The following PADI1 variants were observed in gnomAD, a reference collection of about 807,000 sequenced individuals.
PADI1 encodes the protein peptidyl arginine deiminase 1, also known as protein-arginine deiminase type-1.
In PADI1, 65 loss-of-function variants were observed where a neutral mutation model predicts 74.8. The ratio of observed to expected loss-of-function variants is 0.87; its 90% CI spans 0.71 to 1.07. The LOEUF is 1.07. Ranked by LOEUF, PADI1 falls within the 50% of genes least tolerant of loss-of-function variation. PADI1 has a pLI of 0.00. For missense variants in PADI1, 943 were observed against 854.0 expected (o/e 1.10, Z -1.30); for synonymous variants, 371 against 336.2 (o/e 1.10, Z -1.13).
chr1:17,221,569 G>A (rs2072151988), intron 1 of PADI1, among the ~76,000 whole-genome samples: 1 of 152,226 alleles, frequency 6.6e-6, no homozygotes. Context: ...GTGATTGGGT[G>A]GGGGCAGGAG....
chr1:17,205,398 C>T (rs1041007393), intron 1 of PADI1, 89 bp downstream of exon 1: 10 of 974,012 alleles, frequency 1.0e-5, no homozygotes, highest in African/African-American at 8.0e-5. Flanking sequence ...AAGTCAGGCA[C>T]GTTGGAAAGG....
Position 17,244,954 on chromosome 1 carries a change from T to C in PADI1, c.*711T>C. On this transcript the variant is annotated 3_prime_UTR_variant, in exon 16 of 16. Transcript: ENST00000375471. ...ATTACCAGAGCTGGCTTCTCCCAGCTCAGAAATGCTGAGAAGCCAACGTGA... is the reference window on the plus strand; with the variant it reads ...ATTACCAGAGCTGGCTTCTCCCAGCCCAGAAATGCTGAGAAGCCAACGTGA... 5.8e-6 allele frequency: 1 copy of C among 173,702 alleles called. No individual in the cohort carries two copies. Among genetic ancestry groups the C allele is most frequent in the South Asian group, 1.4e-4 (1 of 7,122 alleles). 10.8% of individuals were successfully genotyped at this position (173,702 alleles called of 1,614,324 possible). A position where few individuals can be genotyped will look rare whatever the true frequency, so the allele number is the denominator to read the frequency against.
chr1:17,214,924 G>C (rs920878380), intron 1 of PADI1, among the ~76,000 whole-genome samples: 1 of 152,252 alleles, frequency 6.6e-6, no homozygotes, highest in African/African-American at 2.4e-5. Context: ...GGGTGCCAGA[G>C]AGAATAAGCA....
At chr1:17,225,753 AC>A in intron 4 of PADI1, 57 bp from the exon 5 acceptor site, 2 of 1,246,312 alleles carry the variant, frequency 1.6e-6, no homozygotes, top group Non-Finnish European at 2.4e-6. Context: ...CATGTCTAGA[AC>A]CCCTTCCTGG....
chr1:17,226,089 G>T lies in PADI1; in HGVS notation c.583G>T (p.Asp195Tyr), dbSNP rs200337349. The T allele has an allele frequency of 1.1e-5, 18 of 1,614,158 alleles. No individual in the cohort carries two copies. In the East Asian group the frequency reaches 3.6e-4, roughly 32 times the overall value. ...CTGCAATGGCCCCGACAAGCTCTTCGACAGCCACAAGCTTGTCTTGAACGT... is the reference window on the plus strand; with the variant it reads ...CTGCAATGGCCCCGACAAGCTCTTCTACAGCCACAAGCTTGTCTTGAACGT... The part of the protein sequence containing the change: ...LSCNGPDKLF[D>Y]SHKLVLNVPF... The change falls in exon 6 of 16, where the codon GAC becomes TAC. Residue 195 changes from aspartate (D) to tyrosine (Y), a missense_variant. By Grantham distance (160) the Asp-to-Tyr change is radical (BLOSUM62 -3). Coordinates refer to ENST00000375471, the MANE Select transcript of PADI1 (RefSeq NM_013358.3).
At chr1:17,230,816 T>C in intron 10 of PADI1, 137 bp downstream of exon 10, 1 of 605,648 alleles carries the variant, frequency 1.7e-6, no homozygotes, top group Non-Finnish European at 2.9e-6. Context: ...AGGTGGGATG[T>C]CAGCAAACTG....
intron 14 of PADI1, chr1:17,240,095 T>G: frequency 8.6e-6 from 3 of 347,868 alleles, no homozygotes; most frequent in Non-Finnish European, 1.1e-5. Flanking sequence ...AGAGACACGG[T>G]GGGGAAATAG....
At chr1:17,223,746 CTGTT>C in intron 3 of PADI1, 53 bp downstream of exon 3, 2 of 1,436,156 alleles carry the variant, frequency 1.4e-6, no homozygotes, top group Non-Finnish European at 2.0e-6. Context: ...TCCAGGTTGA[CTGTT>C]TGAGGGTCTT....
chr1:17,239,267 C>T (rs763033452), intron 13 of PADI1, among the ~76,000 whole-genome samples: 2 of 152,172 alleles, frequency 1.3e-5, no homozygotes, highest in Non-Finnish European at 2.9e-5. Flanking sequence ...CAAGGATAGC[C>T]CTGAGTTCAA....
chr1:17,208,568 C>T (rs1411539228), intron 1 of PADI1, among the ~76,000 whole-genome samples: 1 of 132,752 alleles, frequency 7.5e-6, no homozygotes, highest in Non-Finnish European at 1.6e-5. Context: ...ACCCCCGACT[C>T]CAGTGGGCTA....
intron 15 of PADI1, among the ~76,000 whole-genome samples, chr1:17,241,503 A>G (rs3003415): frequency 2.3e-5 from 1 of 42,964 alleles, no homozygotes; most frequent in African/African-American, 7.1e-5. Context: ...TGGAAGTGAA[A>G]GTCGGAATCG....
At position 17,224,429 on chromosome 1, in the gene PADI1, G is replaced by C. The variant is rs760482097; in HGVS notation, c.408+1G>C. ...GGTGAAGAGGAGCCAAGGGGACAAG[G>C]TGAGACCCTTCCGGGCACCCCAAGG... On this transcript the variant is annotated splice_donor_variant, in intron 4 of 15. Transcript: ENST00000375471. LOFTEE classifies it high-confidence loss of function. 2 of 1,613,006 alleles carry C rather than the reference G, an allele frequency of 1.2e-6. No individual in the cohort carries two copies. The highest frequency in any genetic ancestry group is 1.7e-6 in the Non-Finnish European group (2 of 1,179,240).
Position 17,232,818 on chromosome 1 carries a change from G to A in PADI1, c.1162-1G>A, listed in dbSNP as rs906221746. The A allele has an allele frequency of 1.2e-6, 2 of 1,610,124 alleles. No homozygotes were observed. Among genetic ancestry groups the A allele is most frequent in the African/African-American group, 2.7e-5 (2 of 74,872 alleles). ...TGGGGGTCTCGCTGGTTCTTCCATA[G>A]GGTCCTGACTTTGGATATGTTACCC... On this transcript the variant is annotated splice_acceptor_variant, in intron 10 of 15. Coordinates refer to ENST00000375471, the MANE Select transcript of PADI1 (RefSeq NM_013358.3). LOFTEE classifies it high-confidence loss of function.
At position 17,237,329 on chromosome 1, in the gene PADI1, G is replaced by A. The variant is rs1479754628; in HGVS notation, c.1329G>A (p.Gln443=). 6.2e-7 allele frequency: 1 copy of A among 1,609,296 alleles called. No homozygotes were observed. The highest frequency in any genetic ancestry group is 1.3e-5 in the African/African-American group (1 of 74,752). ...GSSFPKSGGR[Q]MARAVRNFLK... is the part of the protein sequence containing the mutation. ...TCCTGGCCAGGTCCGGTGGGCGGCA[G>A]ATGGCCAGGGCAGTGCGGAACTTCC... Residue 443 remains glutamine (Q), a synonymous_variant, in exon 12 of 16, where the codon CAG becomes CAA. Transcript: ENST00000375471.
At chr1:17,238,505 G>A in intron 12 of PADI1, 111 bp from the exon 13 acceptor site, 1 of 454,096 alleles carries the variant, frequency 2.2e-6, no homozygotes, top group Non-Finnish European at 3.9e-6. Context: ...TAGACCGAGT[G>A]GGAGAGGGGA....
At chr1:17,213,186 C>CA (rs777858817) in intron 1 of PADI1, among the ~76,000 whole-genome samples, 1 of 7,630 alleles carries the variant, frequency 1.3e-4, no homozygotes, top group Non-Finnish European at 3.2e-4. Context: ...GACGTAATCT[C>CA]CTACCAGGCT....
At chr1:17,228,151 T>C (rs1042095333) in intron 6 of PADI1, among the ~76,000 whole-genome samples, 2 of 152,102 alleles carry the variant, frequency 1.3e-5, no homozygotes, top group African/African-American at 4.8e-5. Context: ...CCACCACGCC[T>C]GGCTATTTTA....
Position 17,225,886 on chromosome 1 carries a change from G to T in PADI1, c.484G>T (p.Ala162Ser), listed in dbSNP as rs374890157. The change falls in exon 5 of 16, where the codon GCA (alanine) becomes TCA (serine). Residue 162 changes from alanine to serine, a missense_variant. Coordinates refer to ENST00000375471, the MANE Select transcript of PADI1 (RefSeq NM_013358.3). ...VNCDRDNHRS[A>S]EPDLTHSWLM... ...CTGTGACCGGGACAATCACAGGTCC[G>T]CAGAGCCTGACCTCACCCACAGCTG... 6 of 1,614,074 alleles carry T rather than the reference G, an allele frequency of 3.7e-6. No individual in the cohort carries two copies. Among genetic ancestry groups the T allele is most frequent in the Non-Finnish European group, 5.1e-6 (6 of 1,179,998 alleles).
chr1:17,238,305 G>A (rs560309970), intron 12 of PADI1, among the ~76,000 whole-genome samples: 14 of 152,376 alleles, frequency 9.2e-5, no homozygotes, highest in African/African-American at 3.1e-4. Flanking sequence ...GCCTCCCAAA[G>A]TGCTGGGATT....
Sources: allele counts gnomAD v4.1 joint callset (sites outside exome capture counted in the v4.1 genomes callset), GRCh38; gene constraint gnomAD v4.1.1; transcripts MANE v1.5; gene names NCBI Gene and HGNC (gene_info 2026-07-23, HGNC 2026-07-21).